FGGY: variants seen among roughly 807,000 people sequenced by gnomAD.
FGGY encodes FGGY carbohydrate kinase domain containing.
FGGY carries 72 observed loss-of-function variants against 71.3 expected under a neutral mutation model. The observed-to-expected ratio is 1.01, with a 90% CI of 0.84 to 1.23. FGGY has a LOEUF of 1.23. FGGY is among the 50% of genes most tolerant of loss of function. FGGY has a pLI of 0.00. For missense variants in FGGY, 668 were observed against 682.3 expected, an observed-to-expected ratio of 0.98 and a Z score of 0.23; for synonymous variants, 251 against 250.3, an observed-to-expected ratio of 1.00 and a Z score of -0.02.
chr1:59,330,469 T>C (rs902430465), intron 2 of FGGY, among the ~76,000 whole-genome samples: 7 of 151,296 alleles, frequency 4.6e-5, no homozygotes, highest in Admixed American at 4.6e-4. Context: ...CTGAGGAGGC[T>C]GAGGCAGGAG....
intron 14 of FGGY, among the ~76,000 whole-genome samples, chr1:59,692,765 C>G (rs2097604133): frequency 6.6e-6 from 1 of 152,146 alleles, no homozygotes; most frequent in South Asian, 2.1e-4. Context: ...AACAGGAAGT[C>G]TAATTGATGG....
intron 5 of FGGY, among the ~76,000 whole-genome samples, chr1:59,415,087 C>T (rs950367621): frequency 1.3e-4 from 20 of 152,168 alleles, no homozygotes; most frequent in East Asian, 5.8e-4. Context: ...ACATCTGCCC[C>T]ACTCGCTAAC....
intron 3 of FGGY, among the ~76,000 whole-genome samples, chr1:59,341,988 G>A (rs1252026284): frequency 6.6e-6 from 1 of 152,156 alleles, no homozygotes; most frequent in Non-Finnish European, 1.5e-5. Flanking sequence ...TGGGGGCAGA[G>A]TTAGAGGGAA....
intron 4 of FGGY, among the ~76,000 whole-genome samples, chr1:59,349,326 T>C (rs1243696482): frequency 6.6e-6 from 1 of 152,194 alleles, no homozygotes; most frequent in African/African-American, 2.4e-5. Flanking sequence ...AAGTTTGGAT[T>C]GGATATATCA....
At chr1:59,404,970 T>A (rs945156494) in intron 5 of FGGY, among the ~76,000 whole-genome samples, 3 of 152,190 alleles carry the variant, frequency 2.0e-5, no homozygotes, top group Non-Finnish European at 4.4e-5. Context: ...CAACACGTGA[T>A]GATGAGCATA....
intron 5 of FGGY, among the ~76,000 whole-genome samples, chr1:59,448,057 T>G (rs2071733051): frequency 6.6e-6 from 1 of 152,198 alleles, no homozygotes; most frequent in South Asian, 2.1e-4. Flanking sequence ...TTTGGGTCTC[T>G]GTAGGGTAAT....
chr1:59,579,076 A>C (rs1003826093), intron 8 of FGGY, among the ~76,000 whole-genome samples: 1 of 151,948 alleles, frequency 6.6e-6, no homozygotes, highest in African/African-American at 2.4e-5. Context: ...ACCCTTGACC[A>C]TTTGTTTCGG....
intron 14 of FGGY, among the ~76,000 whole-genome samples, chr1:59,685,520 A>T (rs192741889): frequency 6.6e-6 from 1 of 152,314 alleles, no homozygotes; most frequent in East Asian, 1.9e-4. Context: ...AAAGAGGAAA[A>T]TACACATATA....
intron 7 of FGGY, among the ~76,000 whole-genome samples, chr1:59,524,383 G>C (rs1187676469): frequency 2.0e-5 from 3 of 152,170 alleles, no homozygotes; most frequent in African/African-American, 7.2e-5. Context: ...GAAAGGAGCG[G>C]GTCCCTGGCG....
intron 14 of FGGY, chr1:59,699,483 C>G (rs2097692286): frequency 1.2e-6 from 1 of 828,386 alleles, no homozygotes; most frequent in Non-Finnish European, 1.5e-6. Context: ...AAAAACAACC[C>G]CTCTGCTCTT....
intron 14 of FGGY, among the ~76,000 whole-genome samples, chr1:59,686,849 C>T (rs1044447689): frequency 6.6e-6 from 1 of 152,200 alleles, no homozygotes; most frequent in Non-Finnish European, 1.5e-5. Context: ...ATTAAGAACA[C>T]ATACCTCATG....
In FGGY at chr1:59,412,378, G is replaced by A. The variant is rs373162748; in HGVS notation, c.554+33541G>A. ...CTTGGGGTGTGGAGAGGTTGAGGAT[G>A]ATCCTATGGGATAGAGAACGAGTCA... On this transcript the variant is annotated intron_variant, in intron 5 of 15. Coordinates refer to ENST00000303721, the MANE Select transcript of FGGY (RefSeq NM_018291.5). Among the ~76,000 whole-genome samples the A allele has an allele frequency of 3.3e-3, 510 of 152,250 alleles. 1 individual carries two copies. Among genetic ancestry groups the A allele is most frequent in the African/African-American group, 0.011 (476 of 41,540 alleles).
chr1:59,521,592 G>A lies in FGGY; in HGVS notation c.799+9153G>A, dbSNP rs897657919. 2.0e-5 allele frequency among the ~76,000 whole-genome samples: 3 copies of A among 152,130 alleles called. No homozygotes were observed. The East Asian group carries it at 5.8e-4, about 29-fold the overall frequency. ...CTGTTTGGATAATGAGTAATCATAG[G>A]CTTTAGAACTAAAAGGCTGCTCAAA... On this transcript the variant is annotated intron_variant, in intron 7 of 15. Transcript: ENST00000303721.
chr1:59,544,963 C>T (rs1018488651), intron 7 of FGGY, among the ~76,000 whole-genome samples: 3 of 152,178 alleles, frequency 2.0e-5, no homozygotes, highest in Non-Finnish European at 4.4e-5. Context: ...ATCTTCCTTC[C>T]CTGATGGCTG....
intron 14 of FGGY, among the ~76,000 whole-genome samples, chr1:59,678,145 A>G (rs536346738): frequency 5.8e-4 from 88 of 152,320 alleles, no homozygotes; most frequent in African/African-American, 2.0e-3. Flanking sequence ...CTGCGGTTTA[A>G]TGAAAAATAT....
intron 8 of FGGY, among the ~76,000 whole-genome samples, chr1:59,576,657 G>T (rs1561621): frequency 0.069 from 9,490 of 138,508 alleles, 693 homozygotes; most frequent in African/African-American, 0.19. Flanking sequence ...AGAGATTACA[G>T]ACAGACAGAC....
chr1:59,657,463 A>G (rs2097230520), intron 11 of FGGY, among the ~76,000 whole-genome samples: 1 of 152,232 alleles, frequency 6.6e-6, no homozygotes, highest in African/African-American at 2.4e-5. Flanking sequence ...AGAGACAGAG[A>G]AACCGTGTGT....
intron 5 of FGGY, among the ~76,000 whole-genome samples, chr1:59,447,047 G>A (rs2071443901): frequency 6.6e-6 from 1 of 152,104 alleles, no homozygotes. Flanking sequence ...TCTCTGGCTC[G>A]GATTTTGGTG....
At chr1:59,615,883 G>C (rs557804967) in intron 9 of FGGY, among the ~76,000 whole-genome samples, 8 of 151,960 alleles carry the variant, frequency 5.3e-5, no homozygotes, top group Non-Finnish European at 1.2e-4. Context: ...GTAGCCAAAA[G>C]ACACATGAAA....
Sources: allele counts gnomAD v4.1 joint callset (sites outside exome capture counted in the v4.1 genomes callset), GRCh38; gene constraint gnomAD v4.1.1; transcripts MANE v1.5; gene names NCBI Gene and HGNC (gene_info 2026-07-23, HGNC 2026-07-21).